The following HMGCLL1 variants were observed in gnomAD, a reference collection of about 807,000 sequenced individuals.
HMGCLL1 encodes 3-hydroxymethyl-3-methylglutaryl-CoA lyase, cytoplasmic.
HMGCLL1 carries 36 observed loss-of-function variants against 39.1 expected under a neutral mutation model. The ratio of observed to expected loss-of-function variants is 0.92; its 90% CI spans 0.71 to 1.22. The LOEUF is 1.22. Among genes scored for constraint, HMGCLL1 ranks in the 50% most tolerant of loss-of-function variants. The pLI, the probability that HMGCLL1 is intolerant of heterozygous loss-of-function variation, is 0.00. For missense variants in HMGCLL1, 451 were observed against 416.5 expected, an observed-to-expected ratio of 1.08 and a Z score of -0.72; for synonymous variants, 149 against 144.0, an observed-to-expected ratio of 1.03 and a Z score of -0.25.
chr6:55,626,538 C>T, the HMGCLL1 span, among the ~76,000 whole-genome samples: 1 of 152,092 alleles, frequency 6.6e-6, no homozygotes, highest in Admixed American at 6.6e-5. Context: ...TGCTCTGATT[C>T]AGCATCCAAT....
chr6:55,660,543 G>A, the HMGCLL1 span, among the ~76,000 whole-genome samples: 2 of 151,904 alleles, frequency 1.3e-5, no homozygotes, highest in African/African-American at 4.8e-5. Context: ...CAAAAGGCAT[G>A]ATCTCATTAT....
chr6:55,528,475 G>A (rs1768447519), intron 3 of HMGCLL1, among the ~76,000 whole-genome samples: 1 of 151,878 alleles, frequency 6.6e-6, no homozygotes, highest in South Asian at 2.1e-4. Flanking sequence ...CTGTAGCCTG[G>A]GTACAGTAAC....
At chr6:55,613,942 AT>A in the HMGCLL1 span, among the ~76,000 whole-genome samples, 3 of 152,286 alleles carry the variant, frequency 2.0e-5, no homozygotes, top group East Asian at 5.8e-4. Context: ...GTAAAATAAA[AT>A]TTTAAAAAAG....
chr6:55,440,655 A>G (rs1439952854), intron 7 of HMGCLL1, among the ~76,000 whole-genome samples: 1 of 152,122 alleles, frequency 6.6e-6, no homozygotes, highest in Non-Finnish European at 1.5e-5. Context: ...AAAAAGTAAC[A>G]TGATCACATT....
chr6:55,560,897 T>C (rs1770913289), intron 1 of HMGCLL1, among the ~76,000 whole-genome samples: 1 of 152,170 alleles, frequency 6.6e-6, no homozygotes, highest in African/African-American at 2.4e-5. Context: ...TTATCAGCCA[T>C]CTTAAACAAT....
chr6:55,482,537 T>C (rs1272633472), intron 7 of HMGCLL1, among the ~76,000 whole-genome samples: 7 of 152,248 alleles, frequency 4.6e-5, no homozygotes, highest in African/African-American at 1.4e-4. Flanking sequence ...AAAATGTCTA[T>C]TTAGAAAAAT....
intron 5 of HMGCLL1, among the ~76,000 whole-genome samples, chr6:55,506,441 T>C (rs942293880): frequency 2.0e-5 from 3 of 151,688 alleles, no homozygotes; most frequent in Non-Finnish European, 4.4e-5. Flanking sequence ...TAGAGTAGCC[T>C]TCCCTTATCT....
At chr6:55,542,767 G>A (rs1401699025) in intron 1 of HMGCLL1, among the ~76,000 whole-genome samples, 1 of 142,504 alleles carries the variant, frequency 7.0e-6, no homozygotes, top group Non-Finnish European at 1.5e-5. Context: ...TGACAGTGCG[G>A]AATTCCATCT....
At chr6:55,618,160 G>C in the HMGCLL1 span, among the ~76,000 whole-genome samples, 2 of 152,050 alleles carry the variant, frequency 1.3e-5, no homozygotes, top group African/African-American at 2.4e-5. Context: ...AGGATAATGG[G>C]AAGGGAGGAT....
At chr6:55,525,952 C>T (rs1402751919) in intron 3 of HMGCLL1, among the ~76,000 whole-genome samples, 1 of 151,844 alleles carries the variant, frequency 6.6e-6, no homozygotes, top group Admixed American at 6.6e-5. Context: ...TCAGGTCACA[C>T]TAATCCCAAC....
chr6:55,514,063 T>C lies in HMGCLL1; in HGVS notation c.527A>G (p.Asn176Ser). The change falls in exon 5 of 9, where the codon AAT becomes AGT. Residue 176 changes from asparagine (N) to serine (S), a missense_variant. Asn to Ser is a conservative substitution (Grantham distance 46, BLOSUM62 1). Transcript: ENST00000274901. ...TCATAAGTACCCTCGTGCTGGAATA[T>C]TCATGTGTCTTGCAGACTTAACAAC... ...EEVVKSARHM[N>S]IPARGYVSCA... 6.2e-7 allele frequency: 1 copy of C among 1,612,452 alleles called. No homozygotes were observed. Among genetic ancestry groups the C allele is most frequent in the Non-Finnish European group, 8.5e-7 (1 of 1,179,396 alleles).
chr6:55,569,101 G>A (rs1304773087), intron 1 of HMGCLL1, among the ~76,000 whole-genome samples: 4 of 152,132 alleles, frequency 2.6e-5, no homozygotes, highest in Non-Finnish European at 5.9e-5. Context: ...AGAAAGTATT[G>A]AAGATTGAAG....
chr6:55,661,164 T>C, the HMGCLL1 span, among the ~76,000 whole-genome samples: 1 of 151,996 alleles, frequency 6.6e-6, no homozygotes, highest in Admixed American at 6.6e-5. Flanking sequence ...ACTCTATAGG[T>C]TGTCTATTCA....
chr6:55,537,381 T>G (rs938767865), intron 3 of HMGCLL1, among the ~76,000 whole-genome samples: 2 of 152,144 alleles, frequency 1.3e-5, no homozygotes, highest in African/African-American at 2.4e-5. Context: ...AATATTAAAG[T>G]AAAATATATA....
the HMGCLL1 span, among the ~76,000 whole-genome samples, chr6:55,673,365 T>C: frequency 6.6e-6 from 1 of 151,980 alleles, no homozygotes; most frequent in African/African-American, 2.4e-5. Context: ...ACTATGTATT[T>C]TATATGGTGA....
At chr6:55,587,703 A>G in the HMGCLL1 span, among the ~76,000 whole-genome samples, 1 of 152,246 alleles carries the variant, frequency 6.6e-6, no homozygotes, top group African/African-American at 2.4e-5. Context: ...AAAGGGACGG[A>G]GGAAGATCTA....
chr6:55,511,590 A>G (rs559208317), intron 5 of HMGCLL1, among the ~76,000 whole-genome samples: 4 of 152,198 alleles, frequency 2.6e-5, no homozygotes, highest in African/African-American at 9.6e-5. Flanking sequence ...CTGGATGATT[A>G]TCAAGTATAT....
intron 1 of HMGCLL1, among the ~76,000 whole-genome samples, chr6:55,555,704 T>G (rs1284224244): frequency 6.6e-6 from 1 of 152,218 alleles, no homozygotes; most frequent in Admixed American, 6.5e-5. Flanking sequence ...CTAACAAGAA[T>G]TCACTATACA....
chr6:55,628,626 G>C, the HMGCLL1 span, among the ~76,000 whole-genome samples: 1 of 151,984 alleles, frequency 6.6e-6, no homozygotes, highest in African/African-American at 2.4e-5. Flanking sequence ...TGAAAAGTCT[G>C]ATACCAGATG....
Sources: gnomAD v4.1 joint callset for allele counts (sites outside exome capture counted in the v4.1 genomes callset) on GRCh38, gnomAD v4.1.1 for gene constraint, MANE v1.5 for transcripts, NCBI Gene and HGNC (gene_info 2026-07-23, HGNC 2026-07-21) for gene names.